PIK3AP1: variants seen among roughly 807,000 people sequenced by gnomAD.
PIK3AP1 encodes phosphoinositide 3-kinase adapter protein 1.
Under a neutral mutation model 88.1 loss-of-function variants are expected in PIK3AP1, and 21 were observed. The observed-to-expected ratio is 0.24, with a 90% confidence interval of 0.17 to 0.34. The LOEUF (loss-of-function observed/expected upper bound fraction) is 0.34. Ranked by LOEUF, PIK3AP1 falls within the 10% of genes least tolerant of loss-of-function variation. PIK3AP1 has a pLI of 1.00. For synonymous variants in PIK3AP1, 398 were observed against 400.0 expected, an observed-to-expected ratio of 1.00 and a Z score of 0.06; for missense variants, 828 against 1,035.7, an observed-to-expected ratio of 0.80 and a Z score of 2.75.
chr10:96,660,026 T>TA (rs2134242142), intron 2 of PIK3AP1, among the ~76,000 whole-genome samples: 1 of 152,084 alleles, frequency 6.6e-6, no homozygotes, highest in Admixed American at 6.5e-5. Context: ...TTAAAGTTAT[T>TA]AAAAAACAGA....
intron 2 of PIK3AP1, among the ~76,000 whole-genome samples, chr10:96,674,000 T>G (rs1346308120): frequency 6.6e-6 from 1 of 152,192 alleles, no homozygotes; most frequent in Non-Finnish European, 1.5e-5. Context: ...CTTTCTGTTC[T>G]CATCCCTCAC....
Position 96,720,440 on chromosome 10 carries a change from CCG to C in PIK3AP1, c.-48_-47del. ...TCCCTGGCTCGCTGCGTGCCCGGGG[CCG>C]GGACCGGGGCCGGCGGCGTCCTGGC... On this transcript the variant is annotated 5_prime_UTR_variant, in exon 1 of 17. Transcript: ENST00000339364. This position sits in a 1 kb window ranked among gnomAD's most constrained non-coding sequence, Gnocchi z 4.6. 1 of 1,225,538 alleles carries C rather than the reference CCG, an allele frequency of 8.2e-7. No individual in the cohort carries two copies. The highest frequency in any genetic ancestry group is 1.0e-6 in the Non-Finnish European group (1 of 981,524). 75.9% of individuals were successfully genotyped at this position (1,225,538 alleles called of 1,614,324 possible). A position where few individuals can be genotyped will look rare whatever the true frequency, so the allele number is the denominator to read the frequency against.
chr10:96,616,768 A>G, intron 12 of PIK3AP1, 57 bp from the exon 13 acceptor site: 1 of 1,508,988 alleles, frequency 6.6e-7, no homozygotes, highest in Non-Finnish European at 9.2e-7. Context: ...CCCTCTGGAC[A>G]TGAGAGTTTC....
Position 96,709,937 on chromosome 10 carries a change from G to C in PIK3AP1, c.60C>G (p.Ala20=). 1 of 1,604,992 alleles carries C rather than the reference G, an allele frequency of 6.2e-7. No individual in the cohort carries two copies. The highest frequency in any genetic ancestry group is 8.5e-7 in the Non-Finnish European group (1 of 1,173,416). ...TCTGCAGGTACTGGCACCATTCCTCGGCATCCGGGCTGTAGACGATGAGGA... is the reference window on the plus strand; with the variant it reads ...TCTGCAGGTACTGGCACCATTCCTCCGCATCCGGGCTGTAGACGATGAGGA... ...CDILIVYSPD[A]EEWCQYLQTL... Residue 20 remains alanine (A), a synonymous_variant, in exon 2 of 17, where the codon GCC becomes GCG. Coordinates refer to ENST00000339364, the MANE Select transcript of PIK3AP1 (RefSeq NM_152309.3).
At chr10:96,651,442 A>T (rs1203266102) in intron 5 of PIK3AP1, 62 bp from the exon 6 acceptor site, 1 of 1,613,938 alleles carries the variant, frequency 6.2e-7, no homozygotes, top group Admixed American at 1.7e-5. Context: ...CCGCAGATTC[A>T]AGACTGATAA....
At chr10:96,706,871 T>G (rs1844371236) in intron 2 of PIK3AP1, among the ~76,000 whole-genome samples, 1 of 152,218 alleles carries the variant, frequency 6.6e-6, no homozygotes, top group African/African-American at 2.4e-5. Context: ...CAAGTCATCC[T>G]AGCACCGACA....
chr10:96,597,300 T>TTCCC (rs1848780403), intron 16 of PIK3AP1, among the ~76,000 whole-genome samples: 1 of 131,334 alleles, frequency 7.6e-6, no homozygotes, highest in Admixed American at 7.8e-5. Context: ...CCTTCCTTCC[T>TTCCC]TCCTTCCTTC....
chr10:96,684,389 C>A (rs1473948552), intron 2 of PIK3AP1, among the ~76,000 whole-genome samples: 1 of 152,196 alleles, frequency 6.6e-6, no homozygotes, highest in Non-Finnish European at 1.5e-5. Context: ...TCTAGTGGAA[C>A]GGCAGTGGAT....
At position 96,619,339 on chromosome 10, in the gene PIK3AP1, T is replaced by C. The variant is rs566877125; in HGVS notation, c.1941+1013A>G. On this transcript the variant is annotated intron_variant, in intron 12 of 16. Transcript: ENST00000339364. ...CCGCCTTGACAGCTGGTATGTCAGA[T>C]AGCGTAAGAACAGAGATTAGAATAC... 2.0e-5 allele frequency: 3 copies of C among 152,354 alleles called. No homozygotes were observed. The East Asian group carries it at 5.8e-4, about 29-fold the overall frequency. The allele number at this position is 152,354 out of a possible 1,614,324, so 9.4% of individuals were successfully genotyped here.
In PIK3AP1 at chr10:96,598,053, T is replaced by TTTG. The variant is rs796928331; in HGVS notation, c.2361-2420_2361-2419insCAA. On this transcript the variant is annotated intron_variant, in intron 16 of 16. Transcript: ENST00000339364. ...TTTTTGTTTTTTTGTTGTTTTTTTT[T>TTTG]TTTTTTTTGAGACATGGACTCACTC... Among the ~76,000 whole-genome samples the TTTG allele has an allele frequency of 7.0e-3, 1,055 of 150,040 alleles. 14 individuals carry two copies. The highest frequency in any genetic ancestry group is 0.025 in the African/African-American group (1,009 of 40,812).
At chr10:96,698,916 G>C (rs995088156) in intron 2 of PIK3AP1, among the ~76,000 whole-genome samples, 1 of 151,998 alleles carries the variant, frequency 6.6e-6, no homozygotes, top group East Asian at 1.9e-4. Context: ...AGTGGCTCAC[G>C]CCTGTAATCC....
At chr10:96,706,140 G>A (rs966302541) in intron 2 of PIK3AP1, among the ~76,000 whole-genome samples, 4 of 151,878 alleles carry the variant, frequency 2.6e-5, no homozygotes, top group African/African-American at 9.7e-5. Flanking sequence ...TGATCCGCCC[G>A]CCTCGGCCTC....
chr10:96,707,812 T>G (rs1180112869), intron 2 of PIK3AP1, among the ~76,000 whole-genome samples: 2 of 152,198 alleles, frequency 1.3e-5, no homozygotes, highest in African/African-American at 4.8e-5. Flanking sequence ...AAGGCAATCA[T>G]GCAAAAATGA....
intron 2 of PIK3AP1, among the ~76,000 whole-genome samples, chr10:96,675,973 C>T (rs1172561904): frequency 6.6e-6 from 1 of 152,152 alleles, no homozygotes; most frequent in Non-Finnish European, 1.5e-5. Context: ...TTCAAACAAC[C>T]AAACCAGTTT....
At chr10:96,693,860 G>T (rs1020814751) in intron 2 of PIK3AP1, among the ~76,000 whole-genome samples, 1 of 152,162 alleles carries the variant, frequency 6.6e-6, no homozygotes, top group African/African-American at 2.4e-5. Context: ...GAAGTAAAAT[G>T]CTAATTTTAA....
At chr10:96,630,088 T>C (rs1843225045) in intron 8 of PIK3AP1, among the ~76,000 whole-genome samples, 1 of 152,132 alleles carries the variant, frequency 6.6e-6, no homozygotes, top group Non-Finnish European at 1.5e-5. Flanking sequence ...TCTTATATTT[T>C]AGCTTTTCAG....
chr10:96,613,863 A>G, intron 13 of PIK3AP1, among the ~76,000 whole-genome samples: 1 of 152,168 alleles, frequency 6.6e-6, no homozygotes, highest in East Asian at 1.9e-4. Flanking sequence ...AGCACTGGTT[A>G]TACCCCAACT....
intron 2 of PIK3AP1, chr10:96,700,754 T>G: frequency 1.5e-5 from 14 of 933,846 alleles, no homozygotes; most frequent in Non-Finnish European, 1.8e-5. Flanking sequence ...GATTTTCCCC[T>G]CAGTCCTGCA....
intron 2 of PIK3AP1, among the ~76,000 whole-genome samples, chr10:96,662,410 T>G (rs1445240726): frequency 6.6e-6 from 1 of 151,422 alleles, no homozygotes; most frequent in Non-Finnish European, 1.5e-5. Context: ...GAGATCAGCC[T>G]GGCCAACATG....
Sources: gnomAD v4.1 joint callset for allele counts (sites outside exome capture counted in the v4.1 genomes callset) on GRCh38, gnomAD v4.1.1 for gene constraint, Gnocchi (gnomAD v3.1) non-coding constraint, MANE v1.5 for transcripts, NCBI Gene and HGNC (gene_info 2026-07-23, HGNC 2026-07-21) for gene names.